The following ULBP2 variants were observed in gnomAD, a reference collection of about 807,000 sequenced individuals.
The protein encoded by ULBP2 is UL16-binding protein 2.
A neutral mutation model predicts 23.6 loss-of-function variants in ULBP2; 21 were observed. The ratio of observed to expected loss-of-function variants is 0.89; its 90% CI spans 0.63 to 1.28. The LOEUF is 1.28. ULBP2 is among the 50% of genes most tolerant of loss of function. The pLI is 0.00. For missense variants in ULBP2, 251 were observed against 306.0 expected (o/e 0.82, Z 1.34); for synonymous variants, 82 against 112.8 (o/e 0.73, Z 1.73).
chr6:149,942,231 G>A, intron 1 of ULBP2, 74 bp downstream of exon 1: 2 of 1,495,790 alleles, frequency 1.3e-6, no homozygotes, highest in Non-Finnish European at 1.8e-6. Context: ...GGGTTTCAGA[G>A]GAGGGGAGGC....
At chr6:149,946,807 C>T (rs1396496473) in intron 3 of ULBP2, 154 bp downstream of exon 3, 13 of 1,281,508 alleles carry the variant, frequency 1.0e-5, no homozygotes, top group African/African-American at 1.5e-5. Context: ...TACTGGCATG[C>T]CTGTGCTCTC....
In ULBP2 at chr6:149,945,390, T is replaced by A. The variant is rs767264674; in HGVS notation, c.167T>A (p.Val56Glu). The A allele has an allele frequency of 2.3e-4, 363 of 1,613,152 alleles. 1 individual carries two copies. The highest frequency in any genetic ancestry group is 3.0e-4 in the Non-Finnish European group (349 of 1,179,870). ...GPRWCAVQGQVDEKTFLHYDC... is the reference protein window; with the variant it reads ...GPRWCAVQGQEDEKTFLHYDC... ...CGGTGGTGTGCGGTTCAAGGCCAGG[T>A]GGATGAAAAGACTTTTCTTCACTAT... The change falls in exon 2 of 5, where the codon GTG becomes GAG. Residue 56 changes from valine to glutamate, a missense_variant. Coordinates refer to ENST00000367351, the MANE Select transcript of ULBP2 (RefSeq NM_025217.4).
At chr6:149,948,699 C>G (rs1162421733) in intron 4 of ULBP2, 24 bp from the exon 5 acceptor site, 3 of 456,600 alleles carry the variant, frequency 6.6e-6, no homozygotes, top group Non-Finnish European at 1.3e-5. Flanking sequence ...GCCCCTTAAA[C>G]CAACATTTGT....
intron 4 of ULBP2, among the ~76,000 whole-genome samples, chr6:149,947,902 G>C (rs571217654): frequency 6.6e-6 from 1 of 152,190 alleles, no homozygotes; most frequent in African/African-American, 2.4e-5. Flanking sequence ...GAGAGATCTG[G>C]GTGTAATCCC....
rs1778869445 is a variant in ULBP2 at position 149,942,036 on chromosome 6, CCAT to C, written c.-34_-32del. The C allele has an allele frequency of 1.3e-6, 2 of 1,599,532 alleles. No homozygotes were observed. Among genetic ancestry groups the C allele is most frequent in the East Asian group, 4.5e-5 (2 of 44,660 alleles). On this transcript the variant is annotated 5_prime_UTR_variant, in exon 1 of 5. Transcript: ENST00000367351. ...GTGATTCATCTTCCAGGCTCTCCTT[CCAT>C]CAAGTCTCTCATCCCTAGCGCTCTG...
At chr6:149,948,333 G>T (rs1778974475) in intron 4 of ULBP2, among the ~76,000 whole-genome samples, 1 of 152,160 alleles carries the variant, frequency 6.6e-6, no homozygotes, top group South Asian at 2.1e-4. Context: ...AAAGAAGGAT[G>T]TTTGCCTGCA....
At position 149,942,079 on chromosome 6, in the gene ULBP2, G is replaced by A. The variant is rs1435731072; in HGVS notation, c.7G>A (p.Ala3Thr). Residue 3 changes from alanine to threonine, a missense_variant, in exon 1 of 5, where the codon GCA becomes ACA. Ala to Thr is a moderately conservative substitution (Grantham distance 58, BLOSUM62 0). Around this residue, in one of 2 missense-constraint regions of ULBP2, gnomAD observed 248 missense variants for 258.9 expected, o/e 0.96. Coordinates refer to ENST00000367351, the MANE Select transcript of ULBP2 (RefSeq NM_025217.4). ...CTAGCGCTCTGGGTCCTTAATGGCAGCAGCCGCCGCTACCAAGATCCTTCT... is the reference window on the plus strand; with the variant it reads ...CTAGCGCTCTGGGTCCTTAATGGCAACAGCCGCCGCTACCAAGATCCTTCT... Reference protein sequence around the residue: MAAAAATKILLCL... With the variant: MATAAATKILLCL... 6.2e-7 allele frequency: 1 copy of A among 1,611,540 alleles called. No homozygotes were observed.
At chr6:149,948,588 G>T in intron 4 of ULBP2, 135 bp from the exon 5 acceptor site, 1 of 441,560 alleles carries the variant, frequency 2.3e-6, no homozygotes, top group Non-Finnish European at 4.6e-6. Flanking sequence ...GCAGTCGCCA[G>T]GGTTGAGGCT....
chr6:149,945,057 GA>G (rs1778913629), intron 1 of ULBP2, among the ~76,000 whole-genome samples: 1 of 151,510 alleles, frequency 6.6e-6, no homozygotes, highest in Non-Finnish European at 1.5e-5. Flanking sequence ...GATGTGGGCA[GA>G]GGGGCAGTGG....
chr6:149,942,961 C>T (rs1000991586), intron 1 of ULBP2, among the ~76,000 whole-genome samples: 1 of 152,200 alleles, frequency 6.6e-6, no homozygotes, highest in Admixed American at 6.5e-5. Flanking sequence ...GAGGCACCCA[C>T]TTCTGCCCTT....
In ULBP2 at chr6:149,949,117, T is replaced by G; in HGVS notation, c.*417T>G. 6.4e-6 allele frequency: 1 copy of G among 155,902 alleles called. No homozygotes were observed. The highest frequency in any genetic ancestry group is 1.4e-5 in the Non-Finnish European group (1 of 70,528). 9.7% of individuals were successfully genotyped at this position (155,902 alleles called of 1,614,324 possible). ...TTCAGACCTCTGGGGATTCTTTCCG[T>G]GTCCTGAAAGAGAATTTTTAAATTA... On this transcript the variant is annotated 3_prime_UTR_variant, in exon 5 of 5. Transcript: ENST00000367351.
intron 3 of ULBP2, among the ~76,000 whole-genome samples, chr6:149,946,921 CT>C (rs1259010867): frequency 1.3e-5 from 2 of 152,304 alleles, no homozygotes; most frequent in Admixed American, 1.3e-4. Context: ...GCAGGTGTCA[CT>C]GTTTTCAGAC....
In ULBP2 at chr6:149,946,368, G is replaced by A. The variant is rs368937172; in HGVS notation, c.350-4G>A. ...CAGAGCTGATCTCTCTCTGATGGGG[G>A]CAGAACCCCTCACCCTGCAGGCAAG... On this transcript the variant is annotated splice_region_variant and splice_polypyrimidine_tract_variant and intron_variant, in intron 2 of 4. Coordinates refer to ENST00000367351, the MANE Select transcript of ULBP2 (RefSeq NM_025217.4). 12 of 1,611,762 alleles carry A rather than the reference G, an allele frequency of 7.4e-6. No individual in the cohort carries two copies. In the African/African-American group the frequency reaches 1.3e-4, roughly 18 times the overall value.
chr6:149,943,714 A>C lies in ULBP2; in HGVS notation c.85+1557A>C, dbSNP rs531927509. The stretch of plus-strand genomic sequence containing the variant: ...GGGCCTTCTTTATATGCATGGCAAA[A>C]GGCCCCATCTCTGCCAAGGTGCAGT... On this transcript the variant is annotated intron_variant, in intron 1 of 4. Transcript: ENST00000367351. Among the ~76,000 whole-genome samples, 11 of 150,994 alleles carry C rather than the reference A, an allele frequency of 7.3e-5. No individual in the cohort carries two copies. The South Asian group carries it at 2.3e-3, about 31-fold the overall frequency.
At chr6:149,942,432 TC>T (rs1005186461) in intron 1 of ULBP2, among the ~76,000 whole-genome samples, 23 of 151,958 alleles carry the variant, frequency 1.5e-4, no homozygotes, top group African/African-American at 5.6e-4. Context: ...GGGGCGGGGA[TC>T]CCTGGTGCAG....
At position 149,946,676 on chromosome 6, in the gene ULBP2, G is replaced by T. The variant is rs1310670380; in HGVS notation, c.631+23G>T. On this transcript the variant is annotated intron_variant, in intron 3 of 4. Coordinates refer to ENST00000367351, the MANE Select transcript of ULBP2 (RefSeq NM_025217.4). ...GAGGTAACAGGAGAAAAAGAAACGG[G>T]GATCTCAAATGTGATCAGAAATGGT... The T allele has an allele frequency of 5.0e-6, 8 of 1,611,832 alleles. No homozygotes were observed. In the South Asian group the frequency reaches 8.8e-5, roughly 18 times the overall value.
rs559448855 is a variant in ULBP2 at position 149,946,346 on chromosome 6, A to G, written c.350-26A>G. 23 of 1,602,002 alleles carry G rather than the reference A, an allele frequency of 1.4e-5. No individual in the cohort carries two copies. The African/African-American group carries it at 2.8e-4, about 20-fold the overall frequency. Reference sequence around the variant, plus strand: ...GGGGTGCAAAATTTGTCAAGATCAGAGCTGATCTCTCTCTGATGGGGGCAG... The same window carrying G: ...GGGGTGCAAAATTTGTCAAGATCAGGGCTGATCTCTCTCTGATGGGGGCAG... On this transcript the variant is annotated intron_variant, in intron 2 of 4. Coordinates refer to ENST00000367351, the MANE Select transcript of ULBP2 (RefSeq NM_025217.4).
chr6:149,948,116 T>A (rs964861377), intron 4 of ULBP2, among the ~76,000 whole-genome samples: 3 of 152,154 alleles, frequency 2.0e-5, no homozygotes, highest in African/African-American at 7.2e-5. Context: ...TCCCCTGCCA[T>A]CATCCTCCTG....
rs1778983652 is a variant in ULBP2, at chr6:149,948,967, T to G, written c.*267T>G. 1 of 287,126 alleles carries G rather than the reference T, an allele frequency of 3.5e-6. No individual in the cohort carries two copies. Among genetic ancestry groups the G allele is most frequent in the South Asian group, 3.1e-5 (1 of 32,760 alleles). 17.8% of individuals were successfully genotyped at this position (287,126 alleles called of 1,614,324 possible). On this transcript the variant is annotated 3_prime_UTR_variant, in exon 5 of 5. Coordinates refer to ENST00000367351, the MANE Select transcript of ULBP2 (RefSeq NM_025217.4). Reference sequence around the variant, plus strand: ...CCTGATGGAATTCCTGCACTTAAAGTTCTGGCTGACTAAACAAGATATATC... The same window carrying G: ...CCTGATGGAATTCCTGCACTTAAAGGTCTGGCTGACTAAACAAGATATATC...
Sources: allele counts gnomAD v4.1 joint callset (sites outside exome capture counted in the v4.1 genomes callset), GRCh38; gene constraint gnomAD v4.1.1; regional missense constraint gnomAD v4.1.1; transcripts MANE v1.5; gene names NCBI Gene and HGNC (gene_info 2026-07-23, HGNC 2026-07-21).